Variants in DCC observed in about 807,000 individuals in gnomAD.
DCC encodes DCC netrin 1 receptor.
DCC carries 58 observed loss-of-function variants against 172.5 expected under a neutral mutation model. That is an observed-to-expected ratio of 0.34 (90% CI 0.27 to 0.42). The LOEUF (loss-of-function observed/expected upper bound fraction) is 0.42. DCC is among the 10% of genes least tolerant of loss of function. DCC has a pLI of 1.00. For synonymous variants in DCC, 709 were observed against 644.5 expected (o/e 1.10, Z -1.52); for missense variants, 1,740 against 1,791.0 (o/e 0.97, Z 0.51).
intron 1 of DCC, among the ~76,000 whole-genome samples, chr18:52,719,910 T>C (rs1722130530): frequency 6.6e-6 from 1 of 152,080 alleles, no homozygotes; most frequent in Non-Finnish European, 1.5e-5. Flanking sequence ...GCCTGGAGCC[T>C]CATGAACCCC....
intron 7 of DCC, among the ~76,000 whole-genome samples, chr18:53,091,863 A>G (rs62099181): frequency 8.8e-6 from 1 of 113,918 alleles, no homozygotes; most frequent in African/African-American, 3.6e-5. Context: ...ATCTATCTAT[A>G]TATATATATA....
intron 1 of DCC, among the ~76,000 whole-genome samples, chr18:52,495,158 G>A (rs1403956594): frequency 6.6e-6 from 1 of 152,084 alleles, no homozygotes; most frequent in Non-Finnish European, 1.5e-5. Flanking sequence ...AGGACTGTCA[G>A]AAAACTCCAT....
At chr18:53,315,333 A>G (rs1454662729) in intron 13 of DCC, among the ~76,000 whole-genome samples, 12 of 152,130 alleles carry the variant, frequency 7.9e-5, no homozygotes, top group East Asian at 7.7e-4. Context: ...TGGTGTATAT[A>G]TGCCACATTT....
intron 12 of DCC, among the ~76,000 whole-genome samples, chr18:53,294,865 G>A (rs889826184): frequency 6.6e-6 from 1 of 152,136 alleles, no homozygotes; most frequent in Non-Finnish European, 1.5e-5. Flanking sequence ...GCACTTTTAC[G>A]AGAACCAGGG....
chr18:52,934,424 AG>A (rs1235774334), intron 5 of DCC, among the ~76,000 whole-genome samples: 1 of 152,128 alleles, frequency 6.6e-6, no homozygotes, highest in Non-Finnish European at 1.5e-5. Flanking sequence ...CTAGATAGGG[AG>A]AAACTTAAAA....
In DCC at chr18:52,880,208, C is replaced by T. The variant is rs182683825; in HGVS notation, c.413-25836C>T. Among the ~76,000 whole-genome samples the T allele has an allele frequency of 1.1e-4, 17 of 152,136 alleles. No homozygotes were observed. The East Asian group carries it at 3.1e-3, about 28-fold the overall frequency. On this transcript the variant is annotated intron_variant, in intron 2 of 28. Transcript: ENST00000442544. The stretch of plus-strand genomic sequence containing the variant: ...GTGCAGTGGTGCATTTCAGCTTCAG[C>T]TCACTGCAACTTCTGCCTCCTGTGT...
intron 1 of DCC, among the ~76,000 whole-genome samples, chr18:52,742,479 C>T (rs538826451): frequency 2.0e-5 from 3 of 152,196 alleles, no homozygotes; most frequent in African/African-American, 7.2e-5. Flanking sequence ...GCTGTTTGTT[C>T]CCAGCCTTGA....
intron 22 of DCC, among the ~76,000 whole-genome samples, chr18:53,436,573 C>T (rs776937197): frequency 2.6e-5 from 4 of 152,088 alleles, no homozygotes; most frequent in Non-Finnish European, 5.9e-5. Context: ...ATACAGAGTA[C>T]ACCAAATGCT....
At chr18:53,438,095 C>T (rs766455992) in intron 22 of DCC, among the ~76,000 whole-genome samples, 9 of 152,166 alleles carry the variant, frequency 5.9e-5, no homozygotes, top group Non-Finnish European at 1.2e-4. Flanking sequence ...TTAGCATTGT[C>T]CCCTTTAGAA....
intron 3 of DCC, among the ~76,000 whole-genome samples, chr18:52,913,052 A>G (rs2039993790): frequency 6.6e-6 from 1 of 152,104 alleles, no homozygotes; most frequent in African/African-American, 2.4e-5. Context: ...TTTATTGTGT[A>G]CAACTAAGTT....
intron 1 of DCC, among the ~76,000 whole-genome samples, chr18:52,712,419 T>C (rs1049864360): frequency 6.6e-6 from 1 of 152,204 alleles, no homozygotes; most frequent in African/African-American, 2.4e-5. Flanking sequence ...GCTAGCACTA[T>C]AGTAAGCAAT....
intron 7 of DCC, among the ~76,000 whole-genome samples, chr18:53,124,581 C>T (rs886531432): frequency 7.9e-5 from 12 of 152,020 alleles, no homozygotes; most frequent in Non-Finnish European, 1.5e-4. Flanking sequence ...GTTATTTGTT[C>T]AGTGAGACAA....
chr18:53,041,012 T>A lies in DCC; in HGVS notation c.986-22293T>A, dbSNP rs915242463. On this transcript the variant is annotated intron_variant, in intron 5 of 28. Coordinates refer to ENST00000442544, the MANE Select transcript of DCC (RefSeq NM_005215.4). Reference sequence around the variant, plus strand: ...CTGTTCACTCTGATTATAGCTTCTTTTGCTGTGCAGAAGCTCTTTAGTTTA... The same window carrying A: ...CTGTTCACTCTGATTATAGCTTCTTATGCTGTGCAGAAGCTCTTTAGTTTA... Among the ~76,000 whole-genome samples the A allele has an allele frequency of 3.9e-5, 6 of 152,198 alleles. No homozygotes were observed. In the South Asian group the frequency reaches 6.2e-4, roughly 16 times the overall value.
intron 1 of DCC, among the ~76,000 whole-genome samples, chr18:52,367,072 T>A (rs1984902505): frequency 6.6e-6 from 1 of 152,058 alleles, no homozygotes; most frequent in African/African-American, 2.4e-5. Flanking sequence ...TAAGGCACGG[T>A]GAGAAATCGA....
intron 7 of DCC, among the ~76,000 whole-genome samples, chr18:53,091,877 C>A (rs934026836): frequency 2.0e-5 from 3 of 146,986 alleles, no homozygotes; most frequent in African/African-American, 7.5e-5. Context: ...ATATATATAT[C>A]TACATAAATA....
chr18:52,440,496 T>C (rs189172826), intron 1 of DCC, among the ~76,000 whole-genome samples: 18 of 152,354 alleles, frequency 1.2e-4, no homozygotes, highest in Admixed American at 9.8e-4. Context: ...TGACATTTAA[T>C]GGTGCAACTT....
intron 24 of DCC, among the ~76,000 whole-genome samples, chr18:53,466,867 T>A (rs1397668865): frequency 6.6e-6 from 1 of 152,158 alleles, no homozygotes; most frequent in African/African-American, 2.4e-5. Context: ...CTGTGTAGTT[T>A]TTGTAGGATG....
intron 14 of DCC, 91 bp downstream of exon 14, chr18:53,322,248 T>A (rs1021156062): frequency 1.5e-5 from 11 of 751,274 alleles, no homozygotes; most frequent in Non-Finnish European, 2.4e-5. Context: ...AACTCCAACT[T>A]TGGGGACATT....
intron 2 of DCC, among the ~76,000 whole-genome samples, chr18:52,830,758 C>T (rs1598846965): frequency 1.3e-5 from 2 of 152,238 alleles, no homozygotes. Context: ...CTTTTATCTA[C>T]CTTCATAGAC....
Sources: allele counts gnomAD v4.1 joint callset (sites outside exome capture counted in the v4.1 genomes callset), GRCh38; gene constraint gnomAD v4.1.1; transcripts MANE v1.5; gene names NCBI Gene and HGNC (gene_info 2026-07-23, HGNC 2026-07-21).